MYO3A: variants seen among roughly 807,000 people sequenced by gnomAD.
The protein encoded by MYO3A is myosin IIIA, also known as myosin-IIIa.
In MYO3A, 180 loss-of-function variants were observed where a neutral mutation model predicts 192.7. That is an observed-to-expected ratio of 0.93 (90% CI 0.83 to 1.06). MYO3A has a LOEUF of 1.06. MYO3A is among the 50% of genes least tolerant of loss of function. The pLI is 0.00. For missense variants in MYO3A, 1,896 were observed against 1,905.0 expected (o/e 1.00, Z 0.09); for synonymous variants, 628 against 645.3 (o/e 0.97, Z 0.41).
intron 32 of MYO3A, among the ~76,000 whole-genome samples, chr10:26,199,695 A>G (rs1221677873): frequency 6.6e-6 from 1 of 152,176 alleles, no homozygotes; most frequent in Non-Finnish European, 1.5e-5. Flanking sequence ...TCCCAGAAGG[A>G]AGTGCTGATC....
At chr10:26,098,046 G>A (rs1362493071) in intron 17 of MYO3A, among the ~76,000 whole-genome samples, 2 of 152,146 alleles carry the variant, frequency 1.3e-5, no homozygotes, top group East Asian at 3.8e-4. Flanking sequence ...GTGTAAAAGT[G>A]TTCCTATTTC....
At chr10:26,210,628 C>G (rs925522044) in intron 34 of MYO3A, among the ~76,000 whole-genome samples, 2 of 152,220 alleles carry the variant, frequency 1.3e-5, no homozygotes, top group African/African-American at 4.8e-5. Flanking sequence ...CTGCACAGAA[C>G]CCTTCAATGT....
At chr10:26,163,850 G>C (rs1841597509) in intron 26 of MYO3A, among the ~76,000 whole-genome samples, 1 of 152,182 alleles carries the variant, frequency 6.6e-6, no homozygotes, top group African/African-American at 2.4e-5. Flanking sequence ...AGAAAAAAAT[G>C]GAACACTGTA....
chr10:26,104,578 A>G (rs1837673893), intron 17 of MYO3A, among the ~76,000 whole-genome samples: 1 of 152,136 alleles, frequency 6.6e-6, no homozygotes, highest in Non-Finnish European at 1.5e-5. Flanking sequence ...TATCGCAGCT[A>G]TGTAATAAGT....
intron 14 of MYO3A, among the ~76,000 whole-genome samples, chr10:26,072,519 A>G (rs1835269642): frequency 6.6e-6 from 1 of 152,178 alleles, no homozygotes; most frequent in Admixed American, 6.5e-5. Flanking sequence ...GGGAGAGACA[A>G]GGAAGCAATA....
intron 10 of MYO3A, among the ~76,000 whole-genome samples, chr10:26,049,740 G>A (rs1353466614): frequency 2.8e-5 from 4 of 141,762 alleles, no homozygotes; most frequent in Non-Finnish European, 6.0e-5. Flanking sequence ...GTGCAGTGGC[G>A]CAATCTCAGC....
chr10:26,083,944 C>T (rs1007256300), intron 14 of MYO3A, among the ~76,000 whole-genome samples: 2 of 152,100 alleles, frequency 1.3e-5, no homozygotes, highest in African/African-American at 4.8e-5. Context: ...TGTCCTTTTT[C>T]TTCCTGCAGA....
At chr10:26,152,205 A>G (rs1379210530) in intron 23 of MYO3A, among the ~76,000 whole-genome samples, 1 of 152,246 alleles carries the variant, frequency 6.6e-6, no homozygotes, top group Admixed American at 6.5e-5. Flanking sequence ...CAGAGATAGC[A>G]AAGACATATG....
In MYO3A at chr10:26,176,818, C is replaced by G; in HGVS notation, c.4411C>G (p.Arg1471Gly). 6.2e-7 allele frequency: 1 copy of G among 1,614,076 alleles called. No homozygotes were observed. Among genetic ancestry groups the G allele is most frequent in the South Asian group, 1.1e-5 (1 of 91,076 alleles). The change falls in exon 31 of 35, where the codon CGA (arginine) becomes GGA (glycine). Residue 1471 changes from arginine (R) to glycine (G), a missense_variant. Transcript: ENST00000642920. ...GVSHHKPINR[R>G]VSSQQCLSGV... ...CTCGCACCATAAGCCAATTAATAGACGAGTTTCTTCTCAGCAGTGCCTCTC... is the reference window on the plus strand; with the variant it reads ...CTCGCACCATAAGCCAATTAATAGAGGAGTTTCTTCTCAGCAGTGCCTCTC...
chr10:26,080,260 T>C (rs536538263), intron 14 of MYO3A, among the ~76,000 whole-genome samples: 1 of 152,290 alleles, frequency 6.6e-6, no homozygotes, highest in East Asian at 1.9e-4. Context: ...ATTAGGTTAA[T>C]TTGAAGACCT....
At chr10:26,132,659 G>C (rs916805145) in intron 20 of MYO3A, among the ~76,000 whole-genome samples, 2 of 126,862 alleles carry the variant, frequency 1.6e-5, no homozygotes, top group African/African-American at 5.7e-5. Flanking sequence ...ACTATTAACT[G>C]AACTAAAGTT....
intron 20 of MYO3A, among the ~76,000 whole-genome samples, chr10:26,139,294 T>C (rs921876593): frequency 1.3e-5 from 2 of 151,910 alleles, no homozygotes; most frequent in African/African-American, 4.8e-5. Context: ...TGGAGTGCAA[T>C]GAATGGCATG....
At chr10:26,078,023 G>A (rs997440430) in intron 14 of MYO3A, among the ~76,000 whole-genome samples, 1 of 151,898 alleles carries the variant, frequency 6.6e-6, no homozygotes, top group Non-Finnish European at 1.5e-5. Context: ...GAATGAATTA[G>A]GGACAGTTCC....
At chr10:26,012,190 G>A (rs1352616178) in intron 6 of MYO3A, among the ~76,000 whole-genome samples, 1 of 152,108 alleles carries the variant, frequency 6.6e-6, no homozygotes, top group Non-Finnish European at 1.5e-5. Flanking sequence ...ACAGGAACAA[G>A]ACAAGTAGGC....
intron 10 of MYO3A, among the ~76,000 whole-genome samples, chr10:26,048,544 C>T (rs1843769827): frequency 7.9e-6 from 1 of 126,570 alleles, no homozygotes; most frequent in Non-Finnish European, 1.8e-5. Flanking sequence ...TATATACATA[C>T]ATATATACAT....
intron 4 of MYO3A, among the ~76,000 whole-genome samples, chr10:25,966,967 A>T (rs1053944034): frequency 2.0e-5 from 3 of 152,188 alleles, no homozygotes; most frequent in African/African-American, 7.2e-5. Flanking sequence ...TGAGGCGAAC[A>T]CTACAATTAC....
At chr10:26,031,003 A>G (rs1406222875) in intron 10 of MYO3A, among the ~76,000 whole-genome samples, 1 of 152,250 alleles carries the variant, frequency 6.6e-6, no homozygotes, top group African/African-American at 2.4e-5. Flanking sequence ...TAAAATTGAC[A>G]ATGTTAGAAG....
intron 32 of MYO3A, among the ~76,000 whole-genome samples, chr10:26,199,893 C>G (rs1235141819): frequency 1.3e-5 from 2 of 152,144 alleles, no homozygotes; most frequent in Non-Finnish European, 2.9e-5. Context: ...GAGGCAGGAC[C>G]TCTGTAGGAA....
intron 4 of MYO3A, among the ~76,000 whole-genome samples, chr10:25,984,494 C>A (rs1303187395): frequency 6.6e-6 from 1 of 152,208 alleles, no homozygotes; most frequent in Non-Finnish European, 1.5e-5. Flanking sequence ...ACCACCTCCT[C>A]CAGCCTCCCG....
Sources: allele counts gnomAD v4.1 joint callset (sites outside exome capture counted in the v4.1 genomes callset), GRCh38; gene constraint gnomAD v4.1.1; transcripts MANE v1.5; gene names NCBI Gene and HGNC (gene_info 2026-07-23, HGNC 2026-07-21).